The following POU2F3 variants were observed in gnomAD, a reference collection of about 807,000 sequenced individuals.
POU2F3 encodes the protein POU domain, class 2, transcription factor 3.
In POU2F3, 23 loss-of-function variants were observed where a neutral mutation model predicts 59.2. That is an observed-to-expected ratio of 0.39 (90% CI 0.28 to 0.55). POU2F3 has a LOEUF of 0.55. POU2F3 is among the 20% of genes least tolerant of loss of function. The probability of loss-of-function intolerance (pLI) is 0.66; values close to 1 mark genes in which losing one functional copy is unlikely to be tolerated. For missense variants in POU2F3, 473 were observed against 544.5 expected (o/e 0.87, Z 1.31); for synonymous variants, 190 against 214.6 (o/e 0.89, Z 1.00).
chr11:120,314,458 A>T (rs1941731431), intron 10 of POU2F3, among the ~76,000 whole-genome samples: 1 of 152,238 alleles, frequency 6.6e-6, no homozygotes, highest in African/African-American at 2.4e-5. Flanking sequence ...GAGAACTAGC[A>T]TTTAACAAGC....
Position 120,297,139 on chromosome 11 carries a change from T to C in POU2F3, c.133-1126T>C, listed in dbSNP as rs11217805. ...AGGAGGGTCTCCCCAATATCTCTTA[T>C]AAGTATGGTCTAGAGCTCGTGCCCC... On this transcript the variant is annotated intron_variant, in intron 3 of 12. Transcript: ENST00000543440. 2.0e-4 allele frequency among the ~76,000 whole-genome samples: 30 copies of C among 152,316 alleles called. No homozygotes were observed. The East Asian group carries it at 5.6e-3, about 28-fold the overall frequency.
chr11:120,315,191 G>T (rs1941752820), intron 10 of POU2F3, among the ~76,000 whole-genome samples, 170 bp from the exon 11 acceptor site: 1 of 152,244 alleles, frequency 6.6e-6, no homozygotes, highest in Admixed American at 6.5e-5. Context: ...ATGCCAGTAT[G>T]TGGTCCAGAG....
intron 5 of POU2F3, among the ~76,000 whole-genome samples, chr11:120,300,421 A>G (rs1941313852): frequency 6.6e-6 from 1 of 152,102 alleles, no homozygotes; most frequent in Non-Finnish European, 1.5e-5. Context: ...CTTGGTCATC[A>G]CAGTGTGCTG....
rs200772222 is a variant in POU2F3 at position 120,299,616 on chromosome 11, G to A, written c.259-8G>A. 3.6e-5 allele frequency: 58 copies of A among 1,611,918 alleles called. No individual in the cohort carries two copies. The highest frequency in any genetic ancestry group is 2.0e-4 in the East Asian group (9 of 44,880). ...TTCTGTGGTGTATGTGTATCTCTCCGTGTGTAGGACATGGCTTCCCTCCAT... is the reference window on the plus strand; with the variant it reads ...TTCTGTGGTGTATGTGTATCTCTCCATGTGTAGGACATGGCTTCCCTCCAT... On this transcript the variant is annotated splice_region_variant and splice_polypyrimidine_tract_variant and intron_variant, in intron 4 of 12. Coordinates refer to ENST00000543440, the MANE Select transcript of POU2F3 (RefSeq NM_014352.4).
intron 3 of POU2F3, among the ~76,000 whole-genome samples, chr11:120,288,376 G>A (rs1247340625): frequency 1.3e-5 from 2 of 152,098 alleles, no homozygotes; most frequent in Non-Finnish European, 2.9e-5. Context: ...ATCCAAAACC[G>A]AAATAAAAGG....
chr11:120,261,201 G>GTGTGT (rs1343771436), intron 2 of POU2F3: 2 of 133,400 alleles, frequency 1.5e-5, no homozygotes, highest in South Asian at 3.2e-4. Flanking sequence ...TGTGTGTTTT[G>GTGTGT]TTTGTTTGTT....
At chr11:120,290,225 C>CA (rs1263590970) in intron 3 of POU2F3, among the ~76,000 whole-genome samples, 1 of 152,172 alleles carries the variant, frequency 6.6e-6, no homozygotes, top group East Asian at 1.9e-4. Flanking sequence ...CAATGCCCTT[C>CA]AGAGGCAAGC....
intron 11 of POU2F3, 191 bp from the exon 12 acceptor site, chr11:120,317,035 TGAC>T: frequency 1.6e-6 from 1 of 631,744 alleles, no homozygotes; most frequent in Non-Finnish European, 2.8e-6. Context: ...AGAGCATTTG[TGAC>T]GACAGCCCCT....
In POU2F3 at chr11:120,318,457, T is replaced by G; in HGVS notation, c.*65T>G. 6.9e-7 allele frequency: 1 copy of G among 1,455,686 alleles called. No individual in the cohort carries two copies. The highest frequency in any genetic ancestry group is 9.7e-7 in the Non-Finnish European group (1 of 1,036,214). The allele number at this position is 1,455,686 out of a possible 1,614,324, so 90.2% of individuals were successfully genotyped here. Reference sequence around the variant, plus strand: ...CCCCTGGAAGGAAGGGAATCATGCCTTCTATATACAGACAGATTGCCTTCA... The same window carrying G: ...CCCCTGGAAGGAAGGGAATCATGCCGTCTATATACAGACAGATTGCCTTCA... On this transcript the variant is annotated 3_prime_UTR_variant, in exon 13 of 13. Transcript: ENST00000543440.
intron 2 of POU2F3, among the ~76,000 whole-genome samples, chr11:120,247,964 T>A (rs1165165804): frequency 6.6e-6 from 1 of 152,176 alleles, no homozygotes; most frequent in African/African-American, 2.4e-5. Context: ...GTTCTGTTAC[T>A]AAGACCAAAT....
intron 2 of POU2F3, among the ~76,000 whole-genome samples, chr11:120,247,905 G>C (rs569474262): frequency 1.3e-5 from 2 of 152,210 alleles, no homozygotes; most frequent in African/African-American, 4.8e-5. Flanking sequence ...ACACAGCTAA[G>C]AGAGCGTCCA....
intron 3 of POU2F3, among the ~76,000 whole-genome samples, chr11:120,277,948 G>C (rs1376100762): frequency 6.6e-6 from 1 of 152,138 alleles, no homozygotes; most frequent in East Asian, 1.9e-4. Context: ...GCCTCTATGA[G>C]TGTGACAGAC....
chr11:120,282,123 A>G (rs1940594383), intron 3 of POU2F3, among the ~76,000 whole-genome samples: 1 of 152,122 alleles, frequency 6.6e-6, no homozygotes, highest in Admixed American at 6.5e-5. Flanking sequence ...TGCTTCTCAG[A>G]TTCCCCCAAC....
intron 3 of POU2F3, among the ~76,000 whole-genome samples, chr11:120,286,024 A>T (rs1202495790): frequency 6.6e-6 from 1 of 151,902 alleles, no homozygotes; most frequent in Admixed American, 6.6e-5. Flanking sequence ...CTGGGATCAC[A>T]GGCGCCCACC....
Position 120,305,150 on chromosome 11 carries a change from G to A in POU2F3, c.565G>A (p.Glu189Lys), listed in dbSNP as rs1329091022. The A allele has an allele frequency of 5.0e-6, 8 of 1,613,732 alleles. No individual in the cohort carries two copies. The highest frequency in any genetic ancestry group is 1.1e-5 in the South Asian group (1 of 91,052). The change falls in exon 7 of 13, where the codon GAG (glutamate) becomes AAG (lysine). Residue 189 changes from glutamate (E) to lysine (K), a missense_variant. Physicochemically the swap from Glu to Lys is moderately conservative, Grantham distance 56 (BLOSUM62 1). Transcript: ENST00000543440. ...SGGADEPSDL[E>K]ELEKFAKTFK... Reference sequence around the variant, plus strand: ...AGGGGCCGATGAGCCCAGTGACCTCGAGGAGCTGGAGAAGTTTGCCAAGAC... The same window carrying A: ...AGGGGCCGATGAGCCCAGTGACCTCAAGGAGCTGGAGAAGTTTGCCAAGAC...
At chr11:120,258,630 C>G (rs1164904529) in intron 2 of POU2F3, among the ~76,000 whole-genome samples, 2 of 152,124 alleles carry the variant, frequency 1.3e-5, no homozygotes, top group African/African-American at 4.8e-5. Context: ...ATTTAACTTC[C>G]TTTGAAGTTG....
chr11:120,264,083 G>T (rs368691750), intron 2 of POU2F3, among the ~76,000 whole-genome samples: 1 of 152,254 alleles, frequency 6.6e-6, no homozygotes, highest in East Asian at 1.9e-4. Flanking sequence ...TGCTATAAGG[G>T]ATAAGAGCTG....
intron 2 of POU2F3, chr11:120,253,968 A>G (rs1036634070): frequency 9.9e-5 from 15 of 152,242 alleles, no homozygotes; most frequent in African/African-American, 3.1e-4. Flanking sequence ...GGGTGGCATG[A>G]CACCCACCTA....
intron 2 of POU2F3, among the ~76,000 whole-genome samples, chr11:120,268,656 C>G (rs1939936515): frequency 6.6e-6 from 1 of 152,186 alleles, no homozygotes; most frequent in Admixed American, 6.5e-5. Context: ...AAAGACATTT[C>G]TTTTAAGCAC....
Sources: allele counts gnomAD v4.1 joint callset (sites outside exome capture counted in the v4.1 genomes callset), GRCh38; gene constraint gnomAD v4.1.1; transcripts MANE v1.5; gene names NCBI Gene and HGNC (gene_info 2026-07-23, HGNC 2026-07-21).